The following IRAK2 variants were observed in gnomAD, a reference collection of about 807,000 sequenced individuals.
The protein encoded by IRAK2 is interleukin 1 receptor associated kinase 2, also known as interleukin-1 receptor-associated kinase-like 2.
In IRAK2, 57 loss-of-function variants were observed where a neutral mutation model predicts 72.0. The observed-to-expected ratio is 0.79, with a 90% confidence interval of 0.64 to 0.99. The LOEUF (loss-of-function observed/expected upper bound fraction) is 0.99. IRAK2 is among the 50% of genes least tolerant of loss of function. IRAK2 has a pLI of 0.00. For missense variants in IRAK2, 790 were observed against 794.4 expected, an observed-to-expected ratio of 0.99 and a Z score of 0.07; for synonymous variants, 293 against 312.7, an observed-to-expected ratio of 0.94 and a Z score of 0.67.
At position 10,167,095 on chromosome 3, in the gene IRAK2, T is replaced by TAAA. The variant is rs34759742; in HGVS notation, c.94+2055_94+2057dup. ...TCAATTAGAAGGCATACCTATGACT[T>TAAA]AAAAAAAAAATAAAGCTTTACTGAG... On this transcript the variant is annotated intron_variant, in intron 1 of 12. Transcript: ENST00000256458. 7.7e-3 allele frequency among the ~76,000 whole-genome samples: 1,166 copies of TAAA among 150,480 alleles called. 10 individuals are homozygous for TAAA. The highest frequency in any genetic ancestry group is 0.027 in the African/African-American group (1,111 of 41,124).
At chr3:10,209,089 C>G (rs978963140) in intron 3 of IRAK2, among the ~76,000 whole-genome samples, 1 of 152,082 alleles carries the variant, frequency 6.6e-6, no homozygotes, top group African/African-American at 2.4e-5. Context: ...TCCTCATCTC[C>G]CAGCCTGTTA....
chr3:10,227,711 C>T (rs911577737), intron 10 of IRAK2, among the ~76,000 whole-genome samples: 1 of 150,872 alleles, frequency 6.6e-6, no homozygotes, highest in African/African-American at 2.4e-5. Context: ...CTCTGTCGCC[C>T]AGGCTGCAGT....
intron 4 of IRAK2, among the ~76,000 whole-genome samples, chr3:10,211,152 C>T (rs892111734): frequency 1.3e-5 from 2 of 151,090 alleles, no homozygotes; most frequent in East Asian, 2.0e-4. Context: ...CATGAGCCAC[C>T]GTGCCTGGCC....
At chr3:10,172,227 C>T (rs144936664) in intron 1 of IRAK2, among the ~76,000 whole-genome samples, 1,641 of 151,512 alleles carry the variant, frequency 0.011, 14 homozygotes, top group Middle Eastern at 0.041. Context: ...ATTAGCCGGG[C>T]ATGGTGGCAG....
rs944419719 is a variant in IRAK2 at position 10,243,730 on chromosome 3, A to T, written c.*1502A>T. ...TAATTTCTTTTTATATAATAAAAAT[A>T]TATTTGTAAAGTCGACAGACAACTT... is the stretch of plus-strand genomic sequence containing the variant. On this transcript the variant is annotated 3_prime_UTR_variant, in exon 13 of 13. Coordinates refer to ENST00000256458, the MANE Select transcript of IRAK2 (RefSeq NM_001570.4). 6.6e-6 allele frequency: 1 copy of T among 152,216 alleles called. No individual in the cohort carries two copies. Among genetic ancestry groups the T allele is most frequent in the Admixed American group, 6.6e-5 (1 of 15,266 alleles). The allele number at this position is 152,216 out of a possible 1,614,324, so 9.4% of individuals were successfully genotyped here. A position where few individuals can be genotyped will look rare whatever the true frequency, so the allele number is the denominator to read the frequency against.
intron 2 of IRAK2, among the ~76,000 whole-genome samples, chr3:10,196,923 C>T (rs886893973): frequency 6.6e-6 from 1 of 152,128 alleles, no homozygotes; most frequent in Non-Finnish European, 1.5e-5. Flanking sequence ...CCAGGGCAAA[C>T]GCTACTCACA....
chr3:10,229,321 C>T (rs530451432), intron 10 of IRAK2, among the ~76,000 whole-genome samples: 13 of 152,300 alleles, frequency 8.5e-5, no homozygotes, highest in African/African-American at 2.9e-4. Flanking sequence ...ATGATTGTAG[C>T]TCACTGCAGC....
At chr3:10,165,770 G>C (rs576891258) in intron 1 of IRAK2, among the ~76,000 whole-genome samples, 3 of 123,390 alleles carry the variant, frequency 2.4e-5, no homozygotes, top group Non-Finnish European at 4.8e-5. Context: ...TCACTCTGTC[G>C]CCCAGGCTGG....
chr3:10,200,479 G>A lies in IRAK2; in HGVS notation c.388G>A (p.Gly130Arg), dbSNP rs1697340835. The change falls in exon 3 of 13, where the codon GGG becomes AGG. Residue 130 changes from glycine to arginine, a missense_variant. By Grantham distance (125) the Gly-to-Arg change is moderately radical. Transcript: ENST00000256458. ...AAAGGCTGAGGATGAACAGGAAGAG[G>A]GGCAGCCTGTGAGGATGGCCACCTT... Reference protein sequence around the residue: ...VRKAEDEQEEGQPVRMATFPG... With the variant: ...VRKAEDEQEERQPVRMATFPG... 1 of 1,596,752 alleles carries A rather than the reference G, an allele frequency of 6.3e-7. No individual in the cohort carries two copies. The highest frequency in any genetic ancestry group is 2.3e-5 in the East Asian group (1 of 44,440).
At chr3:10,235,237 G>T (rs986078820) in intron 11 of IRAK2, among the ~76,000 whole-genome samples, 12 of 152,128 alleles carry the variant, frequency 7.9e-5, no homozygotes, top group African/African-American at 2.9e-4. Flanking sequence ...CGGGGTAAGA[G>T]ATTTTTTTGG....
In IRAK2 at chr3:10,213,357, G is replaced by T; in HGVS notation, c.679G>T (p.Gly227Trp). 2.5e-6 allele frequency: 4 copies of T among 1,614,138 alleles called. No individual in the cohort carries two copies. Among genetic ancestry groups the T allele is most frequent in the Non-Finnish European group, 3.4e-6 (4 of 1,180,032 alleles). Residue 227 changes from glycine to tryptophan, a missense_variant, in exon 5 of 13, where the codon GGG becomes TGG. Gly to Trp is a radical substitution (Grantham distance 184, BLOSUM62 -2). Coordinates refer to ENST00000256458, the MANE Select transcript of IRAK2 (RefSeq NM_001570.4). ...SQGTFADVYR[G>W]HRHGKPFVFK... Reference sequence around the variant, plus strand: ...GGGGACCTTTGCTGACGTCTACAGAGGGCACAGGCACGGGAAGCCATTCGT... The same window carrying T: ...GGGGACCTTTGCTGACGTCTACAGATGGCACAGGCACGGGAAGCCATTCGT...
At chr3:10,223,628 C>T (rs1268442511) in intron 9 of IRAK2, among the ~76,000 whole-genome samples, 2 of 152,254 alleles carry the variant, frequency 1.3e-5, no homozygotes, top group Admixed American at 1.3e-4. Context: ...TAATCTGGTA[C>T]TTGTGAATTC....
chr3:10,188,779 GCCTCCCAAAGTGCT>G (rs1410912165), intron 2 of IRAK2, among the ~76,000 whole-genome samples: 118 of 152,224 alleles, frequency 7.8e-4, no homozygotes, highest in African/African-American at 2.7e-3. Flanking sequence ...CCCTGCCTTG[GCCTCCCAAAGTGCT>G]GGGATTACGG....
chr3:10,181,850 C>G (rs73811842), intron 2 of IRAK2, among the ~76,000 whole-genome samples: 1 of 152,162 alleles, frequency 6.6e-6, no homozygotes, highest in East Asian at 1.9e-4. Flanking sequence ...ATGTAATCCT[C>G]TTCACTTTTC....
At chr3:10,173,297 T>C (rs941812870) in intron 1 of IRAK2, among the ~76,000 whole-genome samples, 1 of 136,056 alleles carries the variant, frequency 7.3e-6, no homozygotes, top group African/African-American at 3.1e-5. Flanking sequence ...CTTTCGCACA[T>C]GTTTTCATAT....
rs576220741 is a variant in IRAK2 at position 10,185,026 on chromosome 3, G to C, written c.277+7006G>C. ...GATTACAGGCGTGAGCCCCTGCGCC[G>C]GGCCAAAACTCCATTCCCAGGTAAA... On this transcript the variant is annotated intron_variant, in intron 2 of 12. Transcript: ENST00000256458. Among the ~76,000 whole-genome samples, 204 of 150,542 alleles carry C rather than the reference G, an allele frequency of 1.4e-3. 2 individuals carry two copies. The highest frequency in any genetic ancestry group is 1.9e-3 in the Non-Finnish European group (128 of 67,780).
chr3:10,171,429 C>G (rs1277864426), intron 1 of IRAK2, among the ~76,000 whole-genome samples: 1 of 152,070 alleles, frequency 6.6e-6, no homozygotes. Flanking sequence ...TCATCCCCCA[C>G]CCAGGGAGGG....
At chr3:10,168,489 G>T (rs1465028491) in intron 1 of IRAK2, among the ~76,000 whole-genome samples, 1 of 152,182 alleles carries the variant, frequency 6.6e-6, no homozygotes, top group Non-Finnish European at 1.5e-5. Context: ...GGGATTACAG[G>T]TGTGAGCACC....
chr3:10,190,295 T>C (rs1697155029), intron 2 of IRAK2, among the ~76,000 whole-genome samples: 1 of 138,264 alleles, frequency 7.2e-6, no homozygotes, highest in African/African-American at 2.8e-5. Flanking sequence ...TTTTTTTTTT[T>C]TGTGAGACAG....
Sources: gnomAD v4.1 joint callset for allele counts (sites outside exome capture counted in the v4.1 genomes callset) on GRCh38, gnomAD v4.1.1 for gene constraint, MANE v1.5 for transcripts, NCBI Gene and HGNC (gene_info 2026-07-23, HGNC 2026-07-21) for gene names.